Variants in AP3S1 observed in about 807,000 individuals in gnomAD.
AP3S1 encodes AP-3 complex subunit sigma-1.
A neutral mutation model predicts 21.3 loss-of-function variants in AP3S1; 12 were observed. That is an observed-to-expected ratio of 0.56 (90% CI 0.36 to 0.91). AP3S1 has a LOEUF of 0.91. AP3S1 is among the 40% of genes least tolerant of loss of function. The pLI is 0.01. For synonymous variants in AP3S1, 48 were observed against 78.4 expected, an observed-to-expected ratio of 0.61 and a Z score of 2.05; for missense variants, 116 against 225.0, an observed-to-expected ratio of 0.52 and a Z score of 3.10.
intron 3 of AP3S1, among the ~76,000 whole-genome samples, chr5:115,873,434 G>A (rs1748445914): frequency 6.6e-6 from 1 of 152,140 alleles, no homozygotes; most frequent in African/African-American, 2.4e-5. Flanking sequence ...GGCTAGAGCT[G>A]TTTTTACAAT....
chr5:115,910,689 A>G (rs1329497705), intron 5 of AP3S1, among the ~76,000 whole-genome samples: 2 of 152,074 alleles, frequency 1.3e-5, no homozygotes, highest in Non-Finnish European at 2.9e-5. Context: ...ACTGAGTGAC[A>G]TAAAGTCTTT....
At chr5:115,845,744 G>A (rs1490582858) in intron 1 of AP3S1, among the ~76,000 whole-genome samples, 2 of 145,188 alleles carry the variant, frequency 1.4e-5, no homozygotes, top group African/African-American at 2.5e-5. Flanking sequence ...GCTGAGATAG[G>A]AGAATTGCTT....
intron 1 of AP3S1, among the ~76,000 whole-genome samples, chr5:115,855,408 G>A (rs533594417): frequency 1.8e-4 from 27 of 151,568 alleles, no homozygotes; most frequent in Middle Eastern, 3.5e-3. Flanking sequence ...GGTATATCAC[G>A]GCTCACTGCA....
rs748584286 is a variant in AP3S1, at chr5:115,875,979, A to G, written c.273+5851A>G. 5.1e-4 allele frequency among the ~76,000 whole-genome samples: 77 copies of G among 152,262 alleles called. 1 individual carries two copies. Among genetic ancestry groups the G allele is most frequent in the Middle Eastern group, 6.8e-3 (2 of 294 alleles). Reference sequence around the variant, plus strand: ...GTGACAAATCCTGGTATCAAATTTGATGATAACTGCTTTTCTAATTTACAT... The same window carrying G: ...GTGACAAATCCTGGTATCAAATTTGGTGATAACTGCTTTTCTAATTTACAT... On this transcript the variant is annotated intron_variant, in intron 3 of 5. Transcript: ENST00000316788.
At chr5:115,904,458 T>G (rs11241339) in intron 5 of AP3S1, among the ~76,000 whole-genome samples, 24,825 of 152,168 alleles carry the variant, frequency 0.16, 2,215 homozygotes, top group African/African-American at 0.19. Flanking sequence ...TGTTCTCTTT[T>G]AAATTTAAAA....
chr5:115,892,201 T>G (rs1750367323), intron 3 of AP3S1, among the ~76,000 whole-genome samples: 1 of 152,218 alleles, frequency 6.6e-6, no homozygotes, highest in African/African-American at 2.4e-5. Context: ...GGAACCCTTG[T>G]ACACTTGGTG....
chr5:115,870,178 A>T, intron 3 of AP3S1, 50 bp downstream of exon 3: 1 of 1,191,102 alleles, frequency 8.4e-7, no homozygotes, highest in Non-Finnish European at 1.2e-6. Context: ...TTGACATTTA[A>T]ATTTTTAAAA....
At chr5:115,850,506 C>T (rs1004362140) in intron 1 of AP3S1, among the ~76,000 whole-genome samples, 1 of 152,160 alleles carries the variant, frequency 6.6e-6, no homozygotes, top group African/African-American at 2.4e-5. Flanking sequence ...ACACATTAAA[C>T]ACTAACTTCC....
At chr5:115,906,378 C>G (rs1751654500) in intron 5 of AP3S1, among the ~76,000 whole-genome samples, 1 of 151,884 alleles carries the variant, frequency 6.6e-6, no homozygotes. Flanking sequence ...TTATGTTGGT[C>G]TAAAGTTAGT....
chr5:115,906,688 CT>C, intron 5 of AP3S1: 1 of 610,928 alleles, frequency 1.6e-6, no homozygotes. Context: ...GATCTGTTAG[CT>C]TTTATGTATT....
intron 3 of AP3S1, among the ~76,000 whole-genome samples, chr5:115,880,029 A>G (rs765070031): frequency 1.1e-4 from 17 of 152,068 alleles, no homozygotes; most frequent in Non-Finnish European, 1.9e-4. Flanking sequence ...GGTAGTTTGT[A>G]TTTCTGTGGG....
At chr5:115,857,884 A>G (rs1762909397) in intron 1 of AP3S1, among the ~76,000 whole-genome samples, 1 of 152,170 alleles carries the variant, frequency 6.6e-6, no homozygotes, top group Non-Finnish European at 1.5e-5. Flanking sequence ...TGTAAACTGT[A>G]CTGTTTTTTC....
At chr5:115,904,678 C>A (rs929227318) in intron 5 of AP3S1, among the ~76,000 whole-genome samples, 1 of 152,076 alleles carries the variant, frequency 6.6e-6, no homozygotes, top group East Asian at 1.9e-4. Flanking sequence ...GAAAAAGACT[C>A]ATAATTTAAT....
At position 115,842,008 on chromosome 5, in the gene AP3S1, C is replaced by T; in HGVS notation, c.-30C>T. 6 of 1,574,244 alleles carry T rather than the reference C, an allele frequency of 3.8e-6. No homozygotes were observed. The highest frequency in any genetic ancestry group is 3.5e-5 in the South Asian group (3 of 86,790). ...GCGCGCCCGCCCCCGCCCTGGCCCC[C>T]AGTGCCCACCCGGTCGGCCCGGCAC... On this transcript the variant is annotated 5_prime_UTR_variant, in exon 1 of 6. Transcript: ENST00000316788.
At chr5:115,903,051 G>C in intron 5 of AP3S1, 59 bp downstream of exon 5, 3 of 1,246,026 alleles carry the variant, frequency 2.4e-6, no homozygotes, top group Non-Finnish European at 3.5e-6. Flanking sequence ...GATTACGCAT[G>C]ATTTGTAGTT....
intron 4 of AP3S1, among the ~76,000 whole-genome samples, chr5:115,897,567 CT>C (rs973817836): frequency 1.0e-4 from 15 of 148,740 alleles, no homozygotes; most frequent in African/African-American, 3.7e-4. Flanking sequence ...CTCACATTTT[CT>C]TTTTTTTTTC....
chr5:115,901,166 G>T (rs1751173920), intron 4 of AP3S1, among the ~76,000 whole-genome samples: 1 of 151,902 alleles, frequency 6.6e-6, no homozygotes, highest in Non-Finnish European at 1.5e-5. Flanking sequence ...TTTTCTTGCA[G>T]AACTGCGAAA....
intron 1 of AP3S1, among the ~76,000 whole-genome samples, chr5:115,865,126 C>T (rs1350896789): frequency 2.0e-5 from 3 of 151,918 alleles, no homozygotes; most frequent in Admixed American, 6.6e-5. Flanking sequence ...CCTTTTCTGC[C>T]TTTGCCATAC....
At chr5:115,861,860 CTTTTCTTT>C (rs1449657786) in intron 1 of AP3S1, among the ~76,000 whole-genome samples, 1 of 120,124 alleles carries the variant, frequency 8.3e-6, no homozygotes, top group African/African-American at 3.3e-5. Flanking sequence ...ATTTTCTTTT[CTTTTCTTT>C]TTTTTTTTTT....
Sources: gnomAD v4.1 joint callset for allele counts (sites outside exome capture counted in the v4.1 genomes callset) on GRCh38, gnomAD v4.1.1 for gene constraint, MANE v1.5 for transcripts, NCBI Gene and HGNC (gene_info 2026-07-23, HGNC 2026-07-21) for gene names.